Variants in DDAH1 observed in about 807,000 individuals in gnomAD.
The protein encoded by DDAH1 is N(G),N(G)-dimethylarginine dimethylaminohydrolase 1.
DDAH1 carries 19 observed loss-of-function variants against 28.8 expected under a neutral mutation model. The observed-to-expected ratio is 0.66, with a 90% CI of 0.46 to 0.97. The LOEUF (loss-of-function observed/expected upper bound fraction) is 0.97, where lower values mean the gene tolerates loss of function less well. Among genes scored for constraint, DDAH1 ranks in the 50% least tolerant of loss-of-function variants. The pLI is 0.00. For synonymous variants in DDAH1, 153 were observed against 154.4 expected, an observed-to-expected ratio of 0.99 and a Z score of 0.07; for missense variants, 326 against 375.9, an observed-to-expected ratio of 0.87 and a Z score of 1.10.
At chr1:85,491,835 G>A (rs191153957) in intron 2 of DDAH1, among the ~76,000 whole-genome samples, 1 of 152,028 alleles carries the variant, frequency 6.6e-6, no homozygotes, top group Non-Finnish European at 1.5e-5. Flanking sequence ...TCTCAATAAG[G>A]CTTGTTCAAA....
chr1:85,468,686 A>ATTT (rs1295041069), upstream of DDAH1, among the ~76,000 whole-genome samples: 1 of 151,686 alleles, frequency 6.6e-6, no homozygotes, highest in African/African-American at 2.4e-5. Flanking sequence ...CACCCAGCTA[A>ATTT]TTTTTGTATT....
chr1:85,372,705 TG>T (rs1186379299), intron 1 of DDAH1, among the ~76,000 whole-genome samples: 5 of 152,158 alleles, frequency 3.3e-5, no homozygotes, highest in African/African-American at 1.2e-4. Context: ...ACTTCATATC[TG>T]GTTTTGAGTA....
chr1:85,443,341 G>A (rs1654285258), intron 1 of DDAH1, among the ~76,000 whole-genome samples: 1 of 152,146 alleles, frequency 6.6e-6, no homozygotes, highest in South Asian at 2.1e-4. Flanking sequence ...GGTTGTAGAT[G>A]TGTGGTATTA....
intron 1 of DDAH1, among the ~76,000 whole-genome samples, chr1:85,563,719 C>CGA (rs1659205192): frequency 6.6e-6 from 1 of 152,058 alleles, no homozygotes; most frequent in South Asian, 2.1e-4. Context: ...TAAACAGACT[C>CGA]AGAAATGACA....
intron 1 of DDAH1, among the ~76,000 whole-genome samples, chr1:85,435,020 C>G (rs923496573): frequency 2.0e-5 from 3 of 151,950 alleles, no homozygotes; most frequent in Non-Finnish European, 4.4e-5. Context: ...TACTATTTTC[C>G]TTGTGTTGTT....
intron 1 of DDAH1, among the ~76,000 whole-genome samples, chr1:85,520,192 T>C (rs1657633035): frequency 6.6e-6 from 1 of 152,180 alleles, no homozygotes; most frequent in Non-Finnish European, 1.5e-5. Flanking sequence ...TTCATAAAAA[T>C]AAAATATCTG....
chr1:85,529,532 C>T (rs1252711860), intron 1 of DDAH1, among the ~76,000 whole-genome samples: 1 of 148,022 alleles, frequency 6.8e-6, no homozygotes, highest in East Asian at 2.0e-4. Context: ...GGGGTAGAAG[C>T]ACTGCACAAA....
intron 1 of DDAH1, among the ~76,000 whole-genome samples, chr1:85,408,522 A>C (rs12564550): frequency 0.11 from 17,429 of 152,180 alleles, 1,077 homozygotes; most frequent in East Asian, 0.24. Context: ...TTACAAAAAA[A>C]GTACTTCTTG....
intron 1 of DDAH1, chr1:85,399,611 A>G (rs1288826147): frequency 6.6e-6 from 1 of 152,260 alleles, no homozygotes; most frequent in Non-Finnish European, 1.5e-5. Flanking sequence ...CCAAACTGAA[A>G]CTAAGTTGTT....
rs538454280 is a variant in DDAH1 at position 85,389,165 on chromosome 1, G to C, written c.304-30318C>G. Among the ~76,000 whole-genome samples, 129 of 152,106 alleles carry C rather than the reference G, an allele frequency of 8.5e-4. 1 individual carries two copies. Among genetic ancestry groups the C allele is most frequent in the Non-Finnish European group, 1.9e-4 (13 of 67,998 alleles). ...GAGATCAGCCTGGACAATAAAGTGA[G>C]ACCCTGTCTCTACTAAAAATGAAAA... On this transcript the variant is annotated intron_variant, in intron 1 of 5. Transcript: ENST00000284031.
intron 4 of DDAH1, among the ~76,000 whole-genome samples, chr1:85,332,183 A>G (rs1173879828): frequency 6.6e-6 from 1 of 152,116 alleles, no homozygotes; most frequent in Non-Finnish European, 1.5e-5. Context: ...TTCCCACCAG[A>G]CTGCATTGTG....
chr1:85,425,131 T>C (rs934465862), intron 1 of DDAH1, among the ~76,000 whole-genome samples: 2 of 152,174 alleles, frequency 1.3e-5, no homozygotes, highest in Non-Finnish European at 2.9e-5. Context: ...TCACATTAAC[T>C]ACCAGATGAA....
chr1:85,464,713 C>T lies in DDAH1; in HGVS notation c.303+30G>A, dbSNP rs1210689300. On this transcript the variant is annotated intron_variant, in intron 1 of 5. Coordinates refer to ENST00000284031, the MANE Select transcript of DDAH1 (RefSeq NM_012137.4). This position sits in a 1 kb window ranked among gnomAD's most constrained non-coding sequence, Gnocchi z 4.4. ...CGGCGGGGGAGGGCCTGGCGCGCGC[C>T]CCGGCCGCGCCCCTCGAGTCGGCAG... 7 of 1,445,964 alleles carry T rather than the reference C, an allele frequency of 4.8e-6. No individual in the cohort carries two copies. The African/African-American group carries it at 8.8e-5, about 18-fold the overall frequency. 89.6% of individuals were successfully genotyped at this position (1,445,964 alleles called of 1,614,324 possible). A position where few individuals can be genotyped will look rare whatever the true frequency, so the allele number is the denominator to read the frequency against.
intron 1 of DDAH1, among the ~76,000 whole-genome samples, chr1:85,454,631 T>C (rs550493909): frequency 7.4e-4 from 112 of 152,236 alleles, no homozygotes; most frequent in Non-Finnish European, 1.2e-3. Context: ...TGTGTAAAAA[T>C]GAAACAAGTT....
intron 1 of DDAH1, among the ~76,000 whole-genome samples, chr1:85,364,544 A>G (rs534409883): frequency 4.6e-4 from 65 of 140,390 alleles, no homozygotes; most frequent in Non-Finnish European, 7.1e-4. Context: ...ATATGTGCTG[A>G]TTACTTTCTT....
chr1:85,401,213 C>T (rs565769862), intron 1 of DDAH1, among the ~76,000 whole-genome samples: 2 of 152,272 alleles, frequency 1.3e-5, no homozygotes, highest in African/African-American at 4.8e-5. Flanking sequence ...TTACAGGAAT[C>T]GATCCTTTTT....
chr1:85,451,472 C>A (rs961862807), intron 1 of DDAH1, among the ~76,000 whole-genome samples: 1 of 152,142 alleles, frequency 6.6e-6, no homozygotes, highest in Non-Finnish European at 1.5e-5. Flanking sequence ...TCAAAACCAC[C>A]TCAACACTAC....
intron 4 of DDAH1, among the ~76,000 whole-genome samples, chr1:85,342,749 T>A (rs1304284730): frequency 6.6e-6 from 1 of 152,200 alleles, no homozygotes; most frequent in Non-Finnish European, 1.5e-5. Flanking sequence ...TTATTCGGGA[T>A]TGTAAGCTGG....
At chr1:85,576,860 G>C (rs1016794701) in intron 1 of DDAH1, 1 of 152,850 alleles carries the variant, frequency 6.5e-6, no homozygotes, top group African/African-American at 2.4e-5. Flanking sequence ...CAACGCTCCG[G>C]GGTCCCGCGC....
Sources: gnomAD v4.1 joint callset for allele counts (sites outside exome capture counted in the v4.1 genomes callset) on GRCh38, gnomAD v4.1.1 for gene constraint, Gnocchi (gnomAD v3.1) non-coding constraint, MANE v1.5 for transcripts, NCBI Gene and HGNC (gene_info 2026-07-23, HGNC 2026-07-21) for gene names.